The following BTBD9 variants were observed in gnomAD, a reference collection of about 807,000 sequenced individuals.
BTBD9 encodes the protein BTB/POZ domain-containing protein 9.
Under a neutral mutation model 64.3 loss-of-function variants are expected in BTBD9, and 49 were observed. The ratio of observed to expected loss-of-function variants is 0.76; its 90% CI spans 0.61 to 0.97. The LOEUF (loss-of-function observed/expected upper bound fraction) is 0.97. BTBD9 is among the 50% of genes least tolerant of loss of function. The pLI is 0.00. For synonymous variants in BTBD9, 260 were observed against 274.7 expected, an observed-to-expected ratio of 0.95 and a Z score of 0.53; for missense variants, 598 against 762.1, an observed-to-expected ratio of 0.78 and a Z score of 2.53.
Position 38,345,014 on chromosome 6 carries a change from T to G in BTBD9, c.1234A>C (p.Lys412Gln). The G allele has an allele frequency of 6.2e-7, 1 of 1,609,174 alleles. No individual in the cohort carries two copies. Among genetic ancestry groups the G allele is most frequent in the Non-Finnish European group, 8.5e-7 (1 of 1,176,522 alleles). Residue 412 changes from lysine (K) to glutamine (Q), a missense_variant, in exon 7 of 11, where the codon AAA (lysine) becomes CAA (glutamine). Transcript: ENST00000481247. ...IVAFECMFTN[K>Q]TFTLEKGLIV... ...AGCCCCTTCTCAAGAGTGAAGGTTT[T>G]GTTTGTAAACATACATTCAAAAGCC...
At chr6:38,623,532 C>T (rs2127525587) in intron 1 of BTBD9, among the ~76,000 whole-genome samples, 1 of 152,332 alleles carries the variant, frequency 6.6e-6, no homozygotes, top group Middle Eastern at 3.4e-3. Flanking sequence ...CCTAGACCTC[C>T]TCACTGCTGA....
intron 1 of BTBD9, among the ~76,000 whole-genome samples, chr6:38,617,579 A>T (rs1168304276): frequency 6.6e-6 from 1 of 152,236 alleles, no homozygotes; most frequent in African/African-American, 2.4e-5. Flanking sequence ...ACTATCTGGA[A>T]TTTTAGGATG....
chr6:38,203,239 CAGAA>C (rs1762525718), intron 9 of BTBD9, among the ~76,000 whole-genome samples: 1 of 152,110 alleles, frequency 6.6e-6, no homozygotes, highest in Non-Finnish European at 1.5e-5. Flanking sequence ...TAAATTAGTA[CAGAA>C]ACCATGGAAA....
intron 6 of BTBD9, among the ~76,000 whole-genome samples, chr6:38,464,210 A>G (rs575858250): frequency 6.6e-6 from 1 of 152,302 alleles, no homozygotes; most frequent in African/African-American, 2.4e-5. Context: ...AAACTTGCCA[A>G]TGCCTTGATT....
intron 6 of BTBD9, among the ~76,000 whole-genome samples, chr6:38,454,802 T>TAA (rs374754349): frequency 1.0e-4 from 14 of 135,702 alleles, no homozygotes; most frequent in South Asian, 2.3e-4. Flanking sequence ...CTCTGTCTCT[T>TAA]AAAAAAAAAA....
At chr6:38,354,770 G>A (rs1004409880) in intron 6 of BTBD9, among the ~76,000 whole-genome samples, 7 of 151,986 alleles carry the variant, frequency 4.6e-5, no homozygotes, top group African/African-American at 1.7e-4. Flanking sequence ...TGCAATTTGA[G>A]CATCAATAAA....
At chr6:38,414,764 T>C (rs1044473370) in intron 6 of BTBD9, among the ~76,000 whole-genome samples, 10 of 152,206 alleles carry the variant, frequency 6.6e-5, no homozygotes, top group Non-Finnish European at 1.3e-4. Context: ...ATCAGTATCC[T>C]TCTCCTTTAT....
At position 38,602,439 on chromosome 6, in the gene BTBD9, T is replaced by A. The variant is rs144273711; in HGVS notation, c.-27-4318A>T. ...TGAACAAAAAAATCTTAAGTATGTG[T>A]ATTTACATGCAAAAGACAATCTACA... is the stretch of plus-strand genomic sequence containing the variant. On this transcript the variant is annotated intron_variant, in intron 1 of 10. Transcript: ENST00000481247. Among the ~76,000 whole-genome samples, 1,160 of 152,210 alleles carry A rather than the reference T, an allele frequency of 7.6e-3. 13 individuals carry two copies. Among genetic ancestry groups the A allele is most frequent in the African/African-American group, 0.026 (1,096 of 41,548 alleles).
intron 9 of BTBD9, among the ~76,000 whole-genome samples, chr6:38,203,023 G>A (rs1762517752): frequency 6.6e-6 from 1 of 152,084 alleles, no homozygotes; most frequent in African/African-American, 2.4e-5. Flanking sequence ...GACATGAATA[G>A]ACACTTTTCA....
At chr6:38,465,909 C>A (rs1175855932) in intron 6 of BTBD9, among the ~76,000 whole-genome samples, 1 of 136,342 alleles carries the variant, frequency 7.3e-6, no homozygotes, top group Non-Finnish European at 1.5e-5. Context: ...TGGCTCATTG[C>A]AGCTTCAACC....
intron 7 of BTBD9, among the ~76,000 whole-genome samples, chr6:38,310,134 C>T (rs6905637): frequency 0.66 from 100,161 of 152,038 alleles, 33,145 homozygotes; most frequent in Admixed American, 0.67. Flanking sequence ...CGAAGAAACA[C>T]ACCAGGGGGA....
intron 9 of BTBD9, among the ~76,000 whole-genome samples, chr6:38,206,302 C>T (rs1762648653): frequency 6.6e-6 from 1 of 151,712 alleles, no homozygotes; most frequent in Non-Finnish European, 1.5e-5. Flanking sequence ...TGCAACCTCG[C>T]CTCCCAGCTT....
rs1158543777 is a variant in BTBD9 at position 38,599,312 on chromosome 6, G to T, written c.-27-1191C>A. Among the ~76,000 whole-genome samples the T allele has an allele frequency of 2.6e-5, 4 of 152,062 alleles. No homozygotes were observed. In the East Asian group the frequency reaches 7.7e-4, roughly 29 times the overall value. ...TGCAGGTACTTAAAAAAAAAAGTTGGTCTTGTTCTGTTGCCCAGGCTGTAG... is the reference window on the plus strand; with the variant it reads ...TGCAGGTACTTAAAAAAAAAAGTTGTTCTTGTTCTGTTGCCCAGGCTGTAG... On this transcript the variant is annotated intron_variant, in intron 1 of 10. Coordinates refer to ENST00000481247, the MANE Select transcript of BTBD9 (RefSeq NM_001099272.2).
intron 6 of BTBD9, among the ~76,000 whole-genome samples, chr6:38,348,203 GGA>G (rs760236668): frequency 6.6e-6 from 1 of 152,182 alleles, no homozygotes; most frequent in African/African-American, 2.4e-5. Flanking sequence ...GATAGGAATG[GGA>G]GAGTCCTCTC....
At chr6:38,251,018 G>C (rs1764375584) in intron 9 of BTBD9, among the ~76,000 whole-genome samples, 1 of 151,538 alleles carries the variant, frequency 6.6e-6, no homozygotes, top group Non-Finnish European at 1.5e-5. Flanking sequence ...GGAGGCACAG[G>C]TTGCAGTGAG....
intron 7 of BTBD9, among the ~76,000 whole-genome samples, chr6:38,332,827 T>C (rs1763732657): frequency 6.6e-6 from 1 of 152,226 alleles, no homozygotes; most frequent in African/African-American, 2.4e-5. Context: ...CATTGTTCAG[T>C]GCTCTTTAAA....
intron 8 of BTBD9, among the ~76,000 whole-genome samples, chr6:38,259,744 C>T (rs1181341524): frequency 6.6e-6 from 1 of 152,136 alleles, no homozygotes; most frequent in African/African-American, 2.4e-5. Flanking sequence ...ATTACTAAAC[C>T]CATGCTACCT....
intron 1 of BTBD9, among the ~76,000 whole-genome samples, chr6:38,623,362 T>C (rs1464703812): frequency 3.9e-5 from 6 of 152,208 alleles, no homozygotes; most frequent in African/African-American, 1.4e-4. Flanking sequence ...TGGCCACTGC[T>C]ACAGGAACCA....
At chr6:38,483,910 C>A (rs1168221728) in intron 6 of BTBD9, among the ~76,000 whole-genome samples, 2 of 152,164 alleles carry the variant, frequency 1.3e-5, no homozygotes, top group African/African-American at 4.8e-5. Context: ...TTCCCCCATT[C>A]CAATTTTGTC....
Sources: allele counts gnomAD v4.1 joint callset (sites outside exome capture counted in the v4.1 genomes callset), GRCh38; gene constraint gnomAD v4.1.1; transcripts MANE v1.5; gene names NCBI Gene and HGNC (gene_info 2026-07-23, HGNC 2026-07-21).